Variants in RNF216 observed in about 807,000 individuals in gnomAD.
RNF216 encodes E3 ubiquitin-protein ligase RNF216.
In RNF216, 72 loss-of-function variants were observed where a neutral mutation model predicts 110.8. The ratio of observed to expected loss-of-function variants is 0.65; its 90% CI spans 0.54 to 0.79. RNF216 has a LOEUF of 0.79. RNF216 is among the 30% of genes least tolerant of loss of function. The probability of loss-of-function intolerance (pLI) is 0.00; values close to 1 mark genes in which losing one functional copy is unlikely to be tolerated. For synonymous variants in RNF216, 495 were observed against 407.5 expected (o/e 1.21, Z -2.59); for missense variants, 1,342 against 1,141.2 (o/e 1.18, Z -2.54).
chr7:5,712,769 T>C lies in RNF216; in HGVS notation c.1928A>G (p.Tyr643Cys), dbSNP rs756599525. ...VLPQTILYKY[Y>C]ERKAEEEVAA... is the part of the protein sequence containing the mutation. ...AACCTCCTCCTCGGCTTTTCGCTCA[T>C]AGTACTTATACAGGATGGTCTGGGG... The change falls in exon 12 of 17, where the codon TAT (tyrosine) becomes TGT (cysteine). Residue 643 changes from tyrosine to cysteine, a missense_variant. Coordinates refer to ENST00000389902, the MANE Select transcript of RNF216 (RefSeq NM_207111.4). 5.0e-6 allele frequency: 8 copies of C among 1,614,106 alleles called. No homozygotes were observed. The highest frequency in any genetic ancestry group is 6.8e-6 in the Non-Finnish European group (8 of 1,180,014).
intron 13 of RNF216, among the ~76,000 whole-genome samples, chr7:5,669,959 C>G (rs1401856399): frequency 6.6e-6 from 1 of 151,326 alleles, no homozygotes; most frequent in Non-Finnish European, 1.5e-5. Flanking sequence ...TGGAGTCTCG[C>G]TCTGCCACCC....
chr7:5,674,762 G>A (rs1215221148), intron 13 of RNF216, among the ~76,000 whole-genome samples: 10 of 152,244 alleles, frequency 6.6e-5, no homozygotes, highest in South Asian at 6.2e-4. Flanking sequence ...CTAGGAGGCC[G>A]AGGTTGGCAG....
chr7:5,733,367 C>T (rs1169803181), intron 5 of RNF216, among the ~76,000 whole-genome samples: 3 of 152,140 alleles, frequency 2.0e-5, no homozygotes, highest in Non-Finnish European at 1.5e-5. Flanking sequence ...ACGTGTGAGA[C>T]TCAGGAAGTA....
chr7:5,655,385 G>T (rs1788673245), intron 13 of RNF216, among the ~76,000 whole-genome samples: 1 of 152,180 alleles, frequency 6.6e-6, no homozygotes, highest in Non-Finnish European at 1.5e-5. Flanking sequence ...ATCACCTGAG[G>T]TCAGACATTA....
intron 1 of RNF216, among the ~76,000 whole-genome samples, chr7:5,764,718 G>C (rs1333675015): frequency 6.6e-6 from 1 of 151,870 alleles, no homozygotes; most frequent in East Asian, 1.9e-4. Flanking sequence ...TTAGGTAGTA[G>C]AGAAAAAATA....
intron 1 of RNF216, among the ~76,000 whole-genome samples, chr7:5,780,914 GAGC>G (rs2128689628): frequency 6.6e-6 from 1 of 152,282 alleles, no homozygotes; most frequent in South Asian, 2.1e-4. Flanking sequence ...GTTCCACCGG[GAGC>G]AGAACCACCT....
chr7:5,726,437 T>C (rs1038912100), intron 7 of RNF216, among the ~76,000 whole-genome samples: 12 of 152,210 alleles, frequency 7.9e-5, no homozygotes, highest in Non-Finnish European at 1.5e-4. Context: ...CTCTTCTCTG[T>C]GTGCACCTAT....
chr7:5,655,968 A>G, intron 13 of RNF216, among the ~76,000 whole-genome samples: 1 of 151,514 alleles, frequency 6.6e-6, no homozygotes, highest in East Asian at 2.0e-4. Flanking sequence ...GCGATCTCCC[A>G]CCTCAGCCTC....
At chr7:5,708,179 T>C (rs768052902) in intron 13 of RNF216, among the ~76,000 whole-genome samples, 2 of 152,242 alleles carry the variant, frequency 1.3e-5, no homozygotes, top group Non-Finnish European at 2.9e-5. Context: ...CTGGAAAATG[T>C]TCCATGCGCA....
At chr7:5,667,083 G>C (rs1789578476) in intron 13 of RNF216, among the ~76,000 whole-genome samples, 2 of 152,184 alleles carry the variant, frequency 1.3e-5, no homozygotes, top group Non-Finnish European at 2.9e-5. Context: ...TGGGATTACA[G>C]TTGTGAGGCA....
chr7:5,774,999 A>G (rs535298117), intron 1 of RNF216: 1 of 151,984 alleles, frequency 6.6e-6, no homozygotes, highest in East Asian at 1.9e-4. Context: ...CCCCCCCGAC[A>G]CTCACCAAAG....
chr7:5,705,917 TAAAAC>T (rs55645443), intron 13 of RNF216, among the ~76,000 whole-genome samples: 64,972 of 143,672 alleles, frequency 0.45, 15,610 homozygotes, highest in East Asian at 0.71. Context: ...CAACAAAAAC[TAAAAC>T]AAAACAAAAC....
At chr7:5,646,755 T>C (rs574815048) in intron 14 of RNF216, among the ~76,000 whole-genome samples, 2 of 151,716 alleles carry the variant, frequency 1.3e-5, no homozygotes, top group African/African-American at 4.8e-5. Context: ...GTCACTGAAG[T>C]CTCTGTTGTA....
intron 4 of RNF216, among the ~76,000 whole-genome samples, chr7:5,740,658 G>A (rs545964807): frequency 2.6e-5 from 4 of 152,160 alleles, no homozygotes; most frequent in African/African-American, 4.8e-5. Flanking sequence ...CAATAAAACT[G>A]CTTTAAGGGT....
In RNF216 at chr7:5,761,060, C is replaced by G. The variant is rs1296833172; in HGVS notation, c.10G>C (p.Gly4Arg). 58 of 1,578,824 alleles carry G rather than the reference C, an allele frequency of 3.7e-5. No individual in the cohort carries two copies. The highest frequency in any genetic ancestry group is 4.7e-5 in the Non-Finnish European group (55 of 1,168,112). The change falls in exon 2 of 17, where the codon GGA (glycine) becomes CGA (arginine). Residue 4 changes from glycine to arginine, a missense_variant. Transcript: ENST00000389902. ...TGAATTACCTCTTCATTGTTGTTTC[C>G]CTCTTCCATTTTCAAATGCAGACAT... is the stretch of plus-strand genomic sequence containing the variant. MEEGNNNEEVIHLN... is the reference protein window; with the variant it reads MEERNNNEEVIHLN...
intron 5 of RNF216, among the ~76,000 whole-genome samples, chr7:5,735,775 A>G (rs1466419177): frequency 1.3e-5 from 2 of 152,170 alleles, no homozygotes; most frequent in African/African-American, 4.8e-5. Flanking sequence ...TGCCTTACTG[A>G]CAAGCATGTT....
chr7:5,764,653 A>T (rs1796108001), intron 1 of RNF216, among the ~76,000 whole-genome samples: 1 of 152,152 alleles, frequency 6.6e-6, no homozygotes, highest in Admixed American at 6.5e-5. Flanking sequence ...GTCTCAAAAA[A>T]AAAAAAAGAC....
intron 9 of RNF216, among the ~76,000 whole-genome samples, chr7:5,720,107 T>C (rs575128769): frequency 5.0e-4 from 76 of 152,364 alleles, no homozygotes; most frequent in African/African-American, 1.8e-3. Flanking sequence ...GCCTGATTCA[T>C]GCCAAGGCAC....
At chr7:5,676,253 C>G (rs1450029868) in intron 13 of RNF216, among the ~76,000 whole-genome samples, 1 of 152,144 alleles carries the variant, frequency 6.6e-6, no homozygotes, top group Non-Finnish European at 1.5e-5. Flanking sequence ...CTCAAGTGAT[C>G]GGCCCGCCTT....
Sources: allele counts gnomAD v4.1 joint callset (sites outside exome capture counted in the v4.1 genomes callset), GRCh38; gene constraint gnomAD v4.1.1; transcripts MANE v1.5; gene names NCBI Gene and HGNC (gene_info 2026-07-23, HGNC 2026-07-21).